STXBP6: variants seen among roughly 807,000 people sequenced by gnomAD.
The protein encoded by STXBP6 is syntaxin binding protein 6, also known as syntaxin-binding protein 6.
Under a neutral mutation model 26.9 loss-of-function variants are expected in STXBP6, and 21 were observed. That is an observed-to-expected ratio of 0.78 (90% CI 0.55 to 1.12). The LOEUF (loss-of-function observed/expected upper bound fraction) is 1.12. Ranked by LOEUF, STXBP6 falls within the 50% of genes most tolerant of loss-of-function variation. The pLI is 0.00. For synonymous variants in STXBP6, 97 were observed against 92.6 expected (o/e 1.05, Z -0.27); for missense variants, 232 against 257.9 (o/e 0.90, Z 0.69).
At chr14:24,991,697 C>T (rs1230210698) in intron 1 of STXBP6, among the ~76,000 whole-genome samples, 1 of 152,188 alleles carries the variant, frequency 6.6e-6, no homozygotes, top group Admixed American at 6.5e-5. Flanking sequence ...TCAAACCACA[C>T]TAAATATGTC....
chr14:24,927,738 G>A (rs1566483026), intron 2 of STXBP6, among the ~76,000 whole-genome samples: 1 of 152,162 alleles, frequency 6.6e-6, no homozygotes, highest in Non-Finnish European at 1.5e-5. Flanking sequence ...AAATGTCAAC[G>A]ATATATGTTC....
chr14:25,028,655 A>G (rs1357612179), intron 1 of STXBP6, among the ~76,000 whole-genome samples: 2 of 152,180 alleles, frequency 1.3e-5, no homozygotes, highest in African/African-American at 4.8e-5. Context: ...GGTAATTTCT[A>G]CTTTCAAGTC....
intron 4 of STXBP6, among the ~76,000 whole-genome samples, chr14:24,842,077 T>C (rs964049897): frequency 2.6e-5 from 4 of 152,208 alleles, no homozygotes; most frequent in African/African-American, 9.7e-5. Context: ...AAAGTAATGG[T>C]CTGAGGCTCT....
chr14:25,029,155 C>T (rs2140457800), intron 1 of STXBP6, among the ~76,000 whole-genome samples: 1 of 152,236 alleles, frequency 6.6e-6, no homozygotes, highest in East Asian at 1.9e-4. Flanking sequence ...GGATTGATTC[C>T]AATTTTGACA....
In STXBP6 at chr14:24,943,202, A is replaced by G. The variant is rs191172355; in HGVS notation, c.154+31463T>C. On this transcript the variant is annotated intron_variant, in intron 2 of 5. Coordinates refer to ENST00000323944, the MANE Select transcript of STXBP6 (RefSeq NM_001394410.1). ...ACAACTACAGTGGCCAATGAAACGC[A>G]CTTGGAAGTCACTTGGGTTTCTGGC... Among the ~76,000 whole-genome samples the G allele has an allele frequency of 3.3e-5, 5 of 152,244 alleles. No individual in the cohort carries two copies. The East Asian group carries it at 9.7e-4, about 29-fold the overall frequency.
At chr14:24,813,178 CATCT>C (rs1432653543) in intron 5 of STXBP6, among the ~76,000 whole-genome samples, 1 of 152,120 alleles carries the variant, frequency 6.6e-6, no homozygotes, top group Non-Finnish European at 1.5e-5. Flanking sequence ...AATCTACAAC[CATCT>C]ATTTAATATG....
chr14:25,019,868 G>GGT (rs2075229962), intron 1 of STXBP6, among the ~76,000 whole-genome samples: 7 of 128,240 alleles, frequency 5.5e-5, no homozygotes, highest in South Asian at 2.6e-4. Context: ...AGTTTCGTGG[G>GGT]TTTTTTTTTT....
intron 2 of STXBP6, among the ~76,000 whole-genome samples, chr14:24,940,020 T>C (rs533251401): frequency 2.8e-4 from 43 of 152,242 alleles, no homozygotes; most frequent in Non-Finnish European, 5.4e-4. Context: ...GTGTCATCAC[T>C]GACCTCCTGC....
chr14:25,038,814 C>CT (rs1327067446), intron 1 of STXBP6, among the ~76,000 whole-genome samples: 2 of 150,936 alleles, frequency 1.3e-5, no homozygotes, highest in African/African-American at 2.4e-5. Flanking sequence ...AAACTAAAAG[C>CT]TTTTTTTTAA....
chr14:24,933,110 G>A (rs1308540122), intron 2 of STXBP6, among the ~76,000 whole-genome samples: 1 of 152,202 alleles, frequency 6.6e-6, no homozygotes. Context: ...GGAGGCCAAG[G>A]CGGATGGATT....
intron 4 of STXBP6, among the ~76,000 whole-genome samples, chr14:24,829,762 C>T (rs1447032867): frequency 4.6e-5 from 7 of 151,582 alleles, no homozygotes. Flanking sequence ...GCAAAATAGA[C>T]ATACTCTCCA....
chr14:25,000,702 G>A (rs751720773), intron 1 of STXBP6, among the ~76,000 whole-genome samples: 1 of 149,540 alleles, frequency 6.7e-6, no homozygotes, highest in Non-Finnish European at 1.5e-5. Flanking sequence ...CAGAAATGCA[G>A]AGGGAAAGTT....
chr14:25,005,856 T>C (rs2074883019), intron 1 of STXBP6, among the ~76,000 whole-genome samples: 1 of 149,448 alleles, frequency 6.7e-6, no homozygotes, highest in South Asian at 2.1e-4. Context: ...CATGTAAAAA[T>C]GTATATTACA....
intron 1 of STXBP6, among the ~76,000 whole-genome samples, chr14:24,998,213 A>G (rs913923132): frequency 6.6e-6 from 1 of 152,238 alleles, no homozygotes; most frequent in Non-Finnish European, 1.5e-5. Context: ...GATAAATGAA[A>G]AATGGCATGT....
intron 2 of STXBP6, among the ~76,000 whole-genome samples, chr14:24,891,521 A>G (rs2070786256): frequency 1.3e-5 from 2 of 152,152 alleles, no homozygotes; most frequent in South Asian, 4.1e-4. Flanking sequence ...AAGAAAGAAA[A>G]CTGTCAGGAG....
intron 2 of STXBP6, among the ~76,000 whole-genome samples, chr14:24,881,241 T>C (rs2070345414): frequency 6.6e-6 from 1 of 152,120 alleles, no homozygotes; most frequent in Non-Finnish European, 1.5e-5. Context: ...TTCTCTATAC[T>C]TTCTTGGAAC....
intron 2 of STXBP6, among the ~76,000 whole-genome samples, chr14:24,923,841 A>G (rs1283133411): frequency 6.6e-6 from 1 of 152,150 alleles, no homozygotes; most frequent in African/African-American, 2.4e-5. Context: ...CAAGGTTGCA[A>G]ATATCTTCTC....
chr14:24,822,822 G>GTA (rs1355497340), intron 4 of STXBP6, among the ~76,000 whole-genome samples: 1 of 152,034 alleles, frequency 6.6e-6, no homozygotes, highest in African/African-American at 2.4e-5. Flanking sequence ...ACATACCTTT[G>GTA]TATATCCTGC....
chr14:24,870,696 CA>C (rs1484897419), intron 2 of STXBP6, among the ~76,000 whole-genome samples: 4 of 152,154 alleles, frequency 2.6e-5, no homozygotes, highest in Non-Finnish European at 5.9e-5. Flanking sequence ...TGAAATTTGT[CA>C]TTTAAATGGT....
Sources: allele counts gnomAD v4.1 joint callset (sites outside exome capture counted in the v4.1 genomes callset), GRCh38; gene constraint gnomAD v4.1.1; transcripts MANE v1.5; gene names NCBI Gene and HGNC (gene_info 2026-07-23, HGNC 2026-07-21).